COBL: variants seen among roughly 807,000 people sequenced by gnomAD.
COBL encodes the protein protein cordon-bleu.
Under a neutral mutation model 98.8 loss-of-function variants are expected in COBL, and 51 were observed. That is an observed-to-expected ratio of 0.52 (90% CI 0.41 to 0.65). The LOEUF (loss-of-function observed/expected upper bound fraction) is 0.65, where lower values mean the gene tolerates loss of function less well. Ranked by LOEUF, COBL falls within the 30% of genes least tolerant of loss-of-function variation. COBL has a pLI of 0.00. For missense variants in COBL, 1,617 were observed against 1,617.5 expected, an observed-to-expected ratio of 1.00 and a Z score of 0.01; for synonymous variants, 634 against 651.7, an observed-to-expected ratio of 0.97 and a Z score of 0.41.
intron 6 of COBL, among the ~76,000 whole-genome samples, chr7:51,131,872 A>G (rs977176237): frequency 3.9e-5 from 6 of 152,154 alleles, no homozygotes; most frequent in African/African-American, 9.7e-5. Context: ...GATTACAGGC[A>G]TGAGCCACCA....
chr7:51,284,143 A>G (rs1800075392), intron 1 of COBL, among the ~76,000 whole-genome samples: 1 of 149,864 alleles, frequency 6.7e-6, no homozygotes, highest in Non-Finnish European at 1.5e-5. Context: ...AAAAAAAAAA[A>G]AAAAAAAAAG....
chr7:51,113,893 G>C lies in COBL; in HGVS notation c.957+22265C>G, dbSNP rs956255665. On this transcript the variant is annotated intron_variant, in intron 6 of 12. Coordinates refer to ENST00000265136, the MANE Select transcript of COBL (RefSeq NM_015198.5). The stretch of plus-strand genomic sequence containing the variant: ...ATCAAGGCCTGTGATTGCGCTGAAA[G>C]ATTTCCAACTGACCTCAATCTATAG... 2.6e-5 allele frequency among the ~76,000 whole-genome samples: 4 copies of C among 152,232 alleles called. No homozygotes were observed. In the South Asian group the frequency reaches 8.3e-4, roughly 32 times the overall value.
chr7:51,076,712 G>C (rs909856686), intron 7 of COBL, among the ~76,000 whole-genome samples: 8 of 152,094 alleles, frequency 5.3e-5, no homozygotes, highest in Admixed American at 3.3e-4. Context: ...CCCTTGTTGG[G>C]GGGGGTTGCT....
chr7:51,258,214 T>C (rs1340715537), intron 1 of COBL, among the ~76,000 whole-genome samples: 1 of 151,172 alleles, frequency 6.6e-6, no homozygotes, highest in African/African-American at 2.4e-5. Flanking sequence ...ACCATATACT[T>C]TTTTTTTTGA....
Position 51,072,939 on chromosome 7 carries a change from C to G in COBL, c.1096+12227G>C, listed in dbSNP as rs964474378. 7.7e-5 allele frequency: 12 copies of G among 155,742 alleles called. 1 individual carries two copies. The highest frequency in any genetic ancestry group is 3.2e-4 in the Admixed American group (5 of 15,414). 9.6% of individuals were successfully genotyped at this position (155,742 alleles called of 1,614,324 possible). ...ACCAGGTAGACAGAAAGTTTCAGTT[C>G]TATCCAAATTGACTATACTGGTCAA... On this transcript the variant is annotated intron_variant, in intron 7 of 12. Transcript: ENST00000265136.
intron 1 of COBL, among the ~76,000 whole-genome samples, chr7:51,281,646 TAA>T (rs71021762): frequency 0.015 from 2,213 of 144,866 alleles, 28 homozygotes; most frequent in African/African-American, 0.035. Context: ...AGTACTGAGA[TAA>T]AAAAAAAAAA....
chr7:51,303,075 T>C (rs116193521), intron 1 of COBL, among the ~76,000 whole-genome samples: 2,850 of 152,228 alleles, frequency 0.019, 86 homozygotes, highest in African/African-American at 0.065. Context: ...CTTCACAAAT[T>C]AGAATGTTTT....
intron 4 of COBL, chr7:51,188,061 G>T: frequency 1.1e-6 from 1 of 951,298 alleles, no homozygotes; most frequent in Non-Finnish European, 1.4e-6. Flanking sequence ...GGGCTGTCCT[G>T]CTGCAGCAGT....
chr7:51,298,842 T>C (rs1246447084), intron 1 of COBL, among the ~76,000 whole-genome samples: 1 of 152,176 alleles, frequency 6.6e-6, no homozygotes, highest in East Asian at 1.9e-4. Context: ...TACAGTGCCT[T>C]TGTCTGAGCA....
At chr7:51,113,715 C>A (rs111707687) in intron 6 of COBL, among the ~76,000 whole-genome samples, 4,423 of 152,268 alleles carry the variant, frequency 0.029, 219 homozygotes, top group African/African-American at 0.1. Context: ...GAATAAATTT[C>A]TCTTCCATAT....
At chr7:51,254,651 T>C (rs1295304813) in intron 1 of COBL, among the ~76,000 whole-genome samples, 3 of 152,164 alleles carry the variant, frequency 2.0e-5, no homozygotes, top group Non-Finnish European at 4.4e-5. Context: ...TCTAGAATGG[T>C]TGACTACCTA....
At chr7:51,065,280 T>C in intron 7 of COBL, 1 of 703,246 alleles carries the variant, frequency 1.4e-6, no homozygotes. Context: ...GGCTGAGCAG[T>C]GACTGGGGAA....
intron 8 of COBL, chr7:51,031,152 G>A (rs62448278): frequency 0.34 from 162,937 of 483,718 alleles, 28,396 homozygotes; most frequent in African/African-American, 0.46. Flanking sequence ...TGGAGTATAT[G>A]TCTTGTATGT....
chr7:51,111,019 G>A (rs563202384), intron 6 of COBL, among the ~76,000 whole-genome samples: 1 of 152,132 alleles, frequency 6.6e-6, no homozygotes, highest in Non-Finnish European at 1.5e-5. Flanking sequence ...TATCTTTTTC[G>A]AATAATGACT....
At chr7:51,274,048 T>C (rs1380228028) in intron 1 of COBL, among the ~76,000 whole-genome samples, 2 of 152,098 alleles carry the variant, frequency 1.3e-5, no homozygotes, top group Non-Finnish European at 2.9e-5. Context: ...CAGGACATCG[T>C]AGCCTCGAAT....
intron 1 of COBL, among the ~76,000 whole-genome samples, chr7:51,299,921 T>C (rs143063413): frequency 6.6e-6 from 1 of 152,176 alleles, no homozygotes; most frequent in Admixed American, 6.5e-5. Context: ...TAAGCTGCTA[T>C]GAAAGTCTGC....
chr7:51,095,260 CT>C lies in COBL; in HGVS notation c.958-9957del, dbSNP rs1795169302. On this transcript the variant is annotated intron_variant, in intron 6 of 12. Transcript: ENST00000265136. ...TATAAAACCATCAGATCTCATGGGA[CT>C]TATTCACTATCATGAGAACAGCAAG... Among the ~76,000 whole-genome samples the C allele has an allele frequency of 3.3e-5, 5 of 152,242 alleles. No individual in the cohort carries two copies. The South Asian group carries it at 1.0e-3, about 32-fold the overall frequency.
chr7:51,274,300 G>A (rs1446415077), intron 1 of COBL, among the ~76,000 whole-genome samples: 3 of 152,146 alleles, frequency 2.0e-5, no homozygotes, highest in Non-Finnish European at 4.4e-5. Context: ...CAGGAGAAGA[G>A]CACCCTGTCC....
At chr7:51,156,522 T>A in intron 5 of COBL, 1 of 984,988 alleles carries the variant, frequency 1.0e-6, no homozygotes, top group Non-Finnish European at 1.2e-6. Flanking sequence ...CACCATATAA[T>A]TACAGATCCA....
Sources: allele counts gnomAD v4.1 joint callset (sites outside exome capture counted in the v4.1 genomes callset), GRCh38; gene constraint gnomAD v4.1.1; transcripts MANE v1.5; gene names NCBI Gene and HGNC (gene_info 2026-07-23, HGNC 2026-07-21).